The following ANKFN1 variants were observed in gnomAD, a reference collection of about 807,000 sequenced individuals.
ANKFN1 encodes ankyrin repeat and fibronectin type-III domain-containing protein 1.
In ANKFN1, 74 loss-of-function variants were observed where a neutral mutation model predicts 108.7. The ratio of observed to expected loss-of-function variants is 0.68; its 90% CI spans 0.56 to 0.83. The LOEUF is 0.83. Among genes scored for constraint, ANKFN1 ranks in the 40% least tolerant of loss-of-function variants. The pLI is 0.00. For synonymous variants in ANKFN1, 547 were observed against 516.2 expected (o/e 1.06, Z -0.81); for missense variants, 1,505 against 1,382.3 (o/e 1.09, Z -1.41).
intron 8 of ANKFN1, among the ~76,000 whole-genome samples, chr17:56,383,158 A>G (rs1184507929): frequency 6.6e-6 from 1 of 152,212 alleles, no homozygotes; most frequent in Non-Finnish European, 1.5e-5. Flanking sequence ...TCAAACTAGA[A>G]CTCAGGATTA....
chr17:56,062,688 CA>C (rs1431982112), intron 4 of ANKFN1, among the ~76,000 whole-genome samples: 1 of 151,902 alleles, frequency 6.6e-6, no homozygotes, highest in East Asian at 1.9e-4. Flanking sequence ...TGACTCTATC[CA>C]ATTTGCCAGT....
intron 8 of ANKFN1, among the ~76,000 whole-genome samples, chr17:56,422,634 T>A (rs1474272169): frequency 6.6e-6 from 1 of 152,210 alleles, no homozygotes. Context: ...CTCATTACTT[T>A]TTTTTTATTT....
chr17:56,378,546 G>A (rs552593473), intron 8 of ANKFN1, among the ~76,000 whole-genome samples: 43 of 152,210 alleles, frequency 2.8e-4, no homozygotes, highest in African/African-American at 1.0e-3. Context: ...TTAATTGAAG[G>A]ACTAATCTGG....
chr17:56,298,892 AGT>A (rs2044593884), intron 3 of ANKFN1, among the ~76,000 whole-genome samples: 1 of 152,146 alleles, frequency 6.6e-6, no homozygotes, highest in African/African-American at 2.4e-5. Flanking sequence ...TATACAGGAG[AGT>A]TAAGTTCTAA....
At chr17:56,397,906 A>C (rs1215630725) in intron 8 of ANKFN1, among the ~76,000 whole-genome samples, 2 of 152,170 alleles carry the variant, frequency 1.3e-5, no homozygotes, top group Non-Finnish European at 2.9e-5. Flanking sequence ...AGATTAAATC[A>C]GCGGTTTTCA....
upstream of ANKFN1, among the ~76,000 whole-genome samples, chr17:56,149,581 C>A (rs1908473489): frequency 6.6e-6 from 1 of 152,214 alleles, no homozygotes; most frequent in Non-Finnish European, 1.5e-5. Flanking sequence ...GACTGGGCCA[C>A]ATGCACTTGT....
At chr17:56,238,223 G>C (rs968084189) in intron 3 of ANKFN1, among the ~76,000 whole-genome samples, 2 of 152,136 alleles carry the variant, frequency 1.3e-5, no homozygotes, top group African/African-American at 4.8e-5. Flanking sequence ...TATGTGCCAT[G>C]TGGTAATGAG....
chr17:56,325,805 C>G (rs968026123), intron 3 of ANKFN1, among the ~76,000 whole-genome samples: 1 of 152,210 alleles, frequency 6.6e-6, no homozygotes, highest in African/African-American at 2.4e-5. Flanking sequence ...TTTGCACTCA[C>G]AGATTGCTGG....
chr17:56,232,524 C>T (rs968647076), intron 3 of ANKFN1, among the ~76,000 whole-genome samples: 5 of 152,060 alleles, frequency 3.3e-5, no homozygotes, highest in Admixed American at 6.6e-5. Flanking sequence ...CCATGCAACA[C>T]GTAGTAATTT....
chr17:56,139,691 G>A (rs528563461), intron 4 of ANKFN1, among the ~76,000 whole-genome samples: 18 of 152,310 alleles, frequency 1.2e-4, no homozygotes, highest in South Asian at 1.0e-3. Context: ...CCCACTTATA[G>A]AGGCTGCTCA....
At chr17:56,357,667 G>A (rs554921066) in intron 6 of ANKFN1, among the ~76,000 whole-genome samples, 125 of 152,264 alleles carry the variant, frequency 8.2e-4, no homozygotes, top group Middle Eastern at 3.4e-3. Context: ...TACAAAAGAA[G>A]CAGAATGCTT....
intron 4 of ANKFN1, among the ~76,000 whole-genome samples, chr17:56,327,097 A>G (rs994052388): frequency 6.6e-6 from 1 of 152,206 alleles, no homozygotes; most frequent in African/African-American, 2.4e-5. Context: ...GGTCACGGCC[A>G]TCAGGAGCTC....
intron 3 of ANKFN1, among the ~76,000 whole-genome samples, chr17:56,273,636 A>C (rs550956137): frequency 6.6e-6 from 1 of 152,370 alleles, no homozygotes; most frequent in South Asian, 2.1e-4. Context: ...TGAATAAAGA[A>C]TATTACTGAA....
chr17:56,139,638 CG>C (rs1567800908), intron 4 of ANKFN1, among the ~76,000 whole-genome samples: 1 of 152,152 alleles, frequency 6.6e-6, no homozygotes, highest in Non-Finnish European at 1.5e-5. Flanking sequence ...GAAATGTTAA[CG>C]GAACAGTCAA....
chr17:56,341,116 G>A (rs2045947316), intron 4 of ANKFN1, among the ~76,000 whole-genome samples: 1 of 152,012 alleles, frequency 6.6e-6, no homozygotes, highest in South Asian at 2.1e-4. Context: ...ACTGTTGTTG[G>A]TATATAGGAA....
intron 19 of ANKFN1, among the ~76,000 whole-genome samples, chr17:56,495,854 A>G (rs186556098): frequency 1.3e-5 from 2 of 152,290 alleles, no homozygotes; most frequent in African/African-American, 4.8e-5. Context: ...TCACCTTTAC[A>G]TTTTAATAAA....
At chr17:56,488,325 G>A (rs1309254600) in intron 18 of ANKFN1, among the ~76,000 whole-genome samples, 1 of 152,156 alleles carries the variant, frequency 6.6e-6, no homozygotes, top group Non-Finnish European at 1.5e-5. Flanking sequence ...GAGTTAAAAT[G>A]ATGGAACTTT....
intron 1 of ANKFN1, among the ~76,000 whole-genome samples, chr17:56,194,310 C>T (rs376476779): frequency 6.6e-6 from 1 of 152,142 alleles, no homozygotes; most frequent in Non-Finnish European, 1.5e-5. Flanking sequence ...AAAACCTGCA[C>T]ATTGATTTTT....
chr17:56,473,227 A>G (rs908914496), intron 15 of ANKFN1: 10 of 152,318 alleles, frequency 6.6e-5, no homozygotes, highest in African/African-American at 2.4e-4. Context: ...AGACTAGGGC[A>G]TGTATGGGGA....
Sources: gnomAD v4.1 joint callset for allele counts (sites outside exome capture counted in the v4.1 genomes callset) on GRCh38, gnomAD v4.1.1 for gene constraint, MANE v1.5 for transcripts, NCBI Gene and HGNC (gene_info 2026-07-23, HGNC 2026-07-21) for gene names.